SCAP: variants seen among roughly 807,000 people sequenced by gnomAD.
SCAP encodes the protein sterol regulatory element-binding protein cleavage-activating protein.
A neutral mutation model predicts 123.6 loss-of-function variants in SCAP; 65 were observed. That is an observed-to-expected ratio of 0.53 (90% CI 0.43 to 0.65). The LOEUF (loss-of-function observed/expected upper bound fraction) is 0.65. SCAP is among the 30% of genes least tolerant of loss of function. The pLI, the probability that SCAP is intolerant of heterozygous loss-of-function variation, is 0.00. For missense variants in SCAP, 1,398 were observed against 1,712.5 expected, an observed-to-expected ratio of 0.82 and a Z score of 3.24; for synonymous variants, 740 against 726.3, an observed-to-expected ratio of 1.02 and a Z score of -0.30.
intron 3 of SCAP, among the ~76,000 whole-genome samples, chr3:47,432,153 C>T (rs1426616604): frequency 6.6e-6 from 1 of 151,764 alleles, no homozygotes; most frequent in Non-Finnish European, 1.5e-5. Context: ...CCCGTCTCTA[C>T]TAAAATACAA....
At chr3:47,464,622 G>A (rs1485211029) in intron 1 of SCAP, among the ~76,000 whole-genome samples, 1 of 152,064 alleles carries the variant, frequency 6.6e-6, no homozygotes, top group Non-Finnish European at 1.5e-5. Context: ...CATAATAAAG[G>A]GGTATATATG....
At position 47,427,641 on chromosome 3, in the gene SCAP, A is replaced by C; in HGVS notation, c.437T>G (p.Leu146Trp). ...DSSGIRSLEE[L>W]CLQVTDLLPG... ...CAGCAGGTCGGTCACTTGCAGACAC[A>C]ACTCCTCCAAGCTCCTGATCCCAGA... Residue 146 changes from leucine (L) to tryptophan (W), a missense_variant, in exon 5 of 23, where the codon TTG becomes TGG. Around this residue, in one of 7 missense-constraint regions of SCAP, gnomAD observed 319 missense variants for 432.4 expected, o/e 0.74. Coordinates refer to ENST00000265565, the MANE Select transcript of SCAP (RefSeq NM_012235.4). 1 of 1,614,082 alleles carries C rather than the reference A, an allele frequency of 6.2e-7. No individual in the cohort carries two copies. The highest frequency in any genetic ancestry group is 1.1e-5 in the South Asian group (1 of 91,080).
chr3:47,418,945 C>T, intron 13 of SCAP, 102 bp from the exon 14 acceptor site: 2 of 1,239,032 alleles, frequency 1.6e-6, no homozygotes, highest in Non-Finnish European at 2.2e-6. Flanking sequence ...CAGGCCTCAG[C>T]TCCACCGGCC....
chr3:47,417,312 G>C lies in SCAP; in HGVS notation c.2962C>G (p.Arg988Gly). The C allele has an allele frequency of 6.2e-7, 1 of 1,612,022 alleles. No individual in the cohort carries two copies. The highest frequency in any genetic ancestry group is 8.5e-7 in the Non-Finnish European group (1 of 1,179,664). ...TTAGCCCCTCTGCCCACCTCCAGCCGGCCGCTGCTCCGCCCCACCACGATG... is the reference window on the plus strand; with the variant it reads ...TTAGCCCCTCTGCCCACCTCCAGCCCGCCGCTGCTCCGCCCCACCACGATG... The part of the protein sequence containing the change: ...NLIVVGRSSG[R>G]LEVWDAIEGV... The change falls in exon 17 of 23, where the codon CGG becomes GGG. Residue 988 changes from arginine to glycine, a missense_variant. Arg to Gly is a moderately radical substitution (Grantham distance 125). This residue lies in a region of SCAP where 828 missense variants were observed against 882.5 expected (regional missense o/e 0.94). Coordinates refer to ENST00000265565, the MANE Select transcript of SCAP (RefSeq NM_012235.4).
chr3:47,425,344 A>C, intron 8 of SCAP, 141 bp downstream of exon 8: 3 of 881,624 alleles, frequency 3.4e-6, no homozygotes, highest in Non-Finnish European at 5.0e-6. Flanking sequence ...AGAGGAAGAA[A>C]ATGTACCTCT....
chr3:47,427,729 C>T, intron 4 of SCAP, 62 bp from the exon 5 acceptor site: 1 of 1,411,906 alleles, frequency 7.1e-7, no homozygotes. Flanking sequence ...ACCTGCTGTA[C>T]TTAGGGGACA....
intron 10 of SCAP, 131 bp downstream of exon 10, chr3:47,422,311 G>A: frequency 1.3e-6 from 1 of 748,414 alleles, no homozygotes; most frequent in Non-Finnish European, 2.2e-6. Flanking sequence ...CTGCTTGCCA[G>A]GCAAAGAGGT....
intron 1 of SCAP, among the ~76,000 whole-genome samples, chr3:47,471,506 A>T (rs1173505278): frequency 6.6e-6 from 1 of 152,176 alleles, no homozygotes; most frequent in East Asian, 1.9e-4. Context: ...TTAGAGGTAT[A>T]CTACAGGCGC....
At chr3:47,458,105 T>C (rs1707495621) in intron 1 of SCAP, among the ~76,000 whole-genome samples, 2 of 151,084 alleles carry the variant, frequency 1.3e-5, no homozygotes, top group South Asian at 4.2e-4. Flanking sequence ...CTGGGCAACA[T>C]GGTGAAACCC....
chr3:47,422,711 G>C, intron 9 of SCAP, 175 bp from the exon 10 acceptor site: 1 of 544,750 alleles, frequency 1.8e-6, no homozygotes, highest in Non-Finnish European at 3.3e-6. Context: ...CAGACTTTAA[G>C]GGGCCATCAC....
At chr3:47,448,168 T>C (rs1707123166) in intron 1 of SCAP, among the ~76,000 whole-genome samples, 1 of 152,210 alleles carries the variant, frequency 6.6e-6, no homozygotes, top group Non-Finnish European at 1.5e-5. Flanking sequence ...TTCATCAGCA[T>C]TGTATAGTTT....
intron 1 of SCAP, among the ~76,000 whole-genome samples, chr3:47,460,655 T>C (rs1003205741): frequency 4.6e-5 from 7 of 152,024 alleles, no homozygotes; most frequent in African/African-American, 1.7e-4. Flanking sequence ...GCCCCCAGGT[T>C]CAAGCGATTC....
At position 47,447,631 on chromosome 3, in the gene SCAP, T is replaced by G. The variant is rs868736941; in HGVS notation, c.-98-4540A>C. 2.7e-5 allele frequency among the ~76,000 whole-genome samples: 4 copies of G among 149,418 alleles called. No homozygotes were observed. In the South Asian group the frequency reaches 8.4e-4, roughly 31 times the overall value. ...TAAACCCGGGAGGCGGAGGCCACAG[T>G]GAGCCAAAGACTGTGCCATTGCACT... On this transcript the variant is annotated intron_variant, in intron 1 of 22. Transcript: ENST00000265565.
intron 6 of SCAP, among the ~76,000 whole-genome samples, chr3:47,426,928 C>T (rs1012839558): frequency 3.9e-5 from 6 of 152,152 alleles, no homozygotes; most frequent in African/African-American, 1.2e-4. Context: ...ACACTGAGAC[C>T]GCCAGCCCTA....
At chr3:47,470,607 A>G (rs1345975322) in intron 1 of SCAP, among the ~76,000 whole-genome samples, 2 of 152,214 alleles carry the variant, frequency 1.3e-5, no homozygotes, top group African/African-American at 2.4e-5. Context: ...TCACGCCTAT[A>G]ATCCCAACAC....
At chr3:47,428,424 A>C in intron 4 of SCAP, 89 bp downstream of exon 4, 1 of 1,334,154 alleles carries the variant, frequency 7.5e-7, no homozygotes, top group East Asian at 2.3e-5. Context: ...TGCAGAGCTG[A>C]CTGGCTCACT....
chr3:47,431,468 T>C (rs1706355442), intron 3 of SCAP, among the ~76,000 whole-genome samples: 1 of 151,870 alleles, frequency 6.6e-6, no homozygotes, highest in African/African-American at 2.4e-5. Flanking sequence ...TTTTCCAGGA[T>C]CCCATCCAGG....
intron 3 of SCAP, among the ~76,000 whole-genome samples, chr3:47,429,575 C>T (rs1387141011): frequency 6.6e-6 from 1 of 152,216 alleles, no homozygotes; most frequent in Non-Finnish European, 1.5e-5. Context: ...TCTCGAACTC[C>T]TGGGCTCAAG....
At position 47,450,233 on chromosome 3, in the gene SCAP, A is replaced by G. The variant is rs1707190913; in HGVS notation, c.-98-7142T>C. Among the ~76,000 whole-genome samples, 2 of 124,360 alleles carry G rather than the reference A, an allele frequency of 1.6e-5. 1 individual carries two copies. Among genetic ancestry groups the G allele is most frequent in the Non-Finnish European group, 3.6e-5 (2 of 56,174 alleles). 81.6% of individuals were successfully genotyped at this position (124,360 alleles called of 152,430 possible). On this transcript the variant is annotated intron_variant, in intron 1 of 22. Coordinates refer to ENST00000265565, the MANE Select transcript of SCAP (RefSeq NM_012235.4). ...GGCTGGTCTCCAATTCCTGACCTCA[A>G]TGAATCTGCCTGCCTCAGCCTCCCA...
Sources: gnomAD v4.1 joint callset for allele counts (sites outside exome capture counted in the v4.1 genomes callset) on GRCh38, gnomAD v4.1.1 for gene constraint, gnomAD v4.1.1 regional missense constraint, MANE v1.5 for transcripts, NCBI Gene and HGNC (gene_info 2026-07-23, HGNC 2026-07-21) for gene names.